The following BCAR3 variants were observed in gnomAD, a reference collection of about 807,000 sequenced individuals.
BCAR3 encodes BCAR3 adaptor protein, NSP family member.
A neutral mutation model predicts 80.1 loss-of-function variants in BCAR3; 37 were observed. That is an observed-to-expected ratio of 0.46 (90% CI 0.36 to 0.61). The LOEUF is 0.61. Among genes scored for constraint, BCAR3 ranks in the 20% least tolerant of loss-of-function variants. The pLI is 0.00. For synonymous variants in BCAR3, 389 were observed against 418.9 expected (o/e 0.93, Z 0.87); for missense variants, 978 against 1,068.2 (o/e 0.92, Z 1.18).
At chr1:93,801,247 AG>A (rs1653466911) in intron 2 of BCAR3, among the ~76,000 whole-genome samples, 1 of 152,186 alleles carries the variant, frequency 6.6e-6, no homozygotes, top group Admixed American at 6.5e-5. Context: ...AGGTAAACTG[AG>A]CAGTAAGTTG....
chr1:93,761,629 T>A (rs1651950285), intron 2 of BCAR3, among the ~76,000 whole-genome samples: 1 of 152,166 alleles, frequency 6.6e-6, no homozygotes, highest in Non-Finnish European at 1.5e-5. Flanking sequence ...CTGTGTGCCC[T>A]CAGCCATCCC....
intron 2 of BCAR3, among the ~76,000 whole-genome samples, chr1:93,797,752 G>A (rs1468428883): frequency 1.3e-5 from 2 of 152,150 alleles, no homozygotes; most frequent in East Asian, 3.9e-4. Flanking sequence ...TACAAATTAA[G>A]TGAATTATCT....
In BCAR3 at chr1:93,648,537, T is replaced by G. The variant is rs374946180; in HGVS notation, c.318-6194A>C. 3.9e-5 allele frequency among the ~76,000 whole-genome samples: 6 copies of G among 152,362 alleles called. No homozygotes were observed. The South Asian group carries it at 6.2e-4, about 16-fold the overall frequency. ...AAGAAAGAATAAAATAGAGAATTTT[T>G]CGTTAACTGGCTAAAGAGGTTTGAG... On this transcript the variant is annotated intron_variant, in intron 2 of 11. Transcript: ENST00000260502.
chr1:93,709,366 C>G (rs1649938981), intron 2 of BCAR3, among the ~76,000 whole-genome samples: 1 of 152,220 alleles, frequency 6.6e-6, no homozygotes, highest in Non-Finnish European at 1.5e-5. Flanking sequence ...CTGTTCAAAG[C>G]ACACTCAAGG....
chr1:93,625,544 T>G (rs1675433211), intron 3 of BCAR3, among the ~76,000 whole-genome samples: 1 of 152,218 alleles, frequency 6.6e-6, no homozygotes, highest in Non-Finnish European at 1.5e-5. Context: ...TTATTTCTTC[T>G]GTACAAAAAG....
intron 2 of BCAR3, among the ~76,000 whole-genome samples, chr1:93,715,933 G>C (rs2101982919): frequency 6.6e-6 from 1 of 152,328 alleles, no homozygotes; most frequent in East Asian, 1.9e-4. Context: ...ATTATTTGTG[G>C]TGACAGGGAG....
chr1:93,763,613 T>C (rs1055640133), intron 2 of BCAR3, among the ~76,000 whole-genome samples: 2 of 152,226 alleles, frequency 1.3e-5, no homozygotes, highest in African/African-American at 4.8e-5. Context: ...ACAGTAATTA[T>C]ACTGCTTCTC....
intron 2 of BCAR3, among the ~76,000 whole-genome samples, chr1:93,831,271 C>A (rs1654553924): frequency 6.6e-6 from 1 of 152,114 alleles, no homozygotes; most frequent in Non-Finnish European, 1.5e-5. Context: ...TTTAAACTTA[C>A]CTCCTTCACT....
rs770983286 is a variant in BCAR3 at position 93,576,097 on chromosome 1, C to T, written c.1719G>A (p.Met573Ile). The T allele has an allele frequency of 6.2e-7, 1 of 1,614,140 alleles. No individual in the cohort carries two copies. Among genetic ancestry groups the T allele is most frequent in the Non-Finnish European group, 8.5e-7 (1 of 1,180,028 alleles). Reference sequence around the variant, plus strand: ...CTGAGCTCACCCCCATGTTCCTCCTCATCTCTTCAGAGACTCCAAGTATCC... The same window carrying T: ...CTGAGCTCACCCCCATGTTCCTCCTTATCTCTTCAGAGACTCCAAGTATCC... ...VARILGVSEEMRRNMGVSSGL... is the reference protein window; with the variant it reads ...VARILGVSEEIRRNMGVSSGL... The change falls in exon 8 of 12, where the codon ATG becomes ATA. Residue 573 changes from methionine to isoleucine, a missense_variant. Transcript: ENST00000260502.
At chr1:93,835,430 T>C (rs976754798) in intron 2 of BCAR3, among the ~76,000 whole-genome samples, 1 of 152,160 alleles carries the variant, frequency 6.6e-6, no homozygotes, top group Non-Finnish European at 1.5e-5. Context: ...CCTCCTCCTC[T>C]TCGGTCACTC....
chr1:93,615,632 A>C (rs992028758), intron 3 of BCAR3, among the ~76,000 whole-genome samples: 2 of 152,280 alleles, frequency 1.3e-5, no homozygotes. Context: ...CTGTCTGGTC[A>C]GTGGGTCCCC....
chr1:93,841,806 C>A (rs1293472154), intron 2 of BCAR3, among the ~76,000 whole-genome samples: 4 of 152,172 alleles, frequency 2.6e-5, no homozygotes, highest in Admixed American at 1.3e-4. Flanking sequence ...TACTCTGAAC[C>A]CCAGTGACCT....
chr1:93,838,792 C>T (rs1178513467), intron 2 of BCAR3, among the ~76,000 whole-genome samples: 1 of 152,122 alleles, frequency 6.6e-6, no homozygotes, highest in Non-Finnish European at 1.5e-5. Context: ...GTATTTGCTA[C>T]TGGTTGTGAC....
chr1:93,573,560 G>A (rs1673310199), intron 8 of BCAR3, among the ~76,000 whole-genome samples: 1 of 149,936 alleles, frequency 6.7e-6, no homozygotes, highest in African/African-American at 2.5e-5. Context: ...TCCTTCTCCT[G>A]ATTTGTCTTT....
chr1:93,832,131 T>C (rs12143950), intron 2 of BCAR3, among the ~76,000 whole-genome samples: 19,787 of 152,158 alleles, frequency 0.13, 1,975 homozygotes, highest in African/African-American at 0.27. Flanking sequence ...TCAAACCCCA[T>C]AACAGGACTT....
intron 2 of BCAR3, among the ~76,000 whole-genome samples, chr1:93,768,735 G>A (rs534099727): frequency 1.3e-5 from 2 of 152,316 alleles, no homozygotes; most frequent in East Asian, 3.9e-4. Flanking sequence ...CAGGAAGTGG[G>A]GCTGGAGGGG....
intron 2 of BCAR3, among the ~76,000 whole-genome samples, chr1:93,815,457 T>TG (rs1190333565): frequency 1.3e-5 from 2 of 152,230 alleles, no homozygotes; most frequent in Non-Finnish European, 2.9e-5. Flanking sequence ...GCTTTCTCTG[T>TG]GGGGTCTCCA....
chr1:93,776,699 C>G (rs717910), intron 2 of BCAR3, among the ~76,000 whole-genome samples: 5,501 of 152,204 alleles, frequency 0.036, 118 homozygotes, highest in Middle Eastern at 0.065. Context: ...TTTTAACATG[C>G]CTTTTTGTAC....
intron 2 of BCAR3, among the ~76,000 whole-genome samples, chr1:93,738,820 A>G (rs942120148): frequency 6.6e-6 from 1 of 152,150 alleles, no homozygotes; most frequent in Non-Finnish European, 1.5e-5. Context: ...CTATCCAGTT[A>G]AATTTGAACT....
Sources: gnomAD v4.1 joint callset for allele counts (sites outside exome capture counted in the v4.1 genomes callset) on GRCh38, gnomAD v4.1.1 for gene constraint, MANE v1.5 for transcripts, NCBI Gene and HGNC (gene_info 2026-07-23, HGNC 2026-07-21) for gene names.